The following KSR2 variants were observed in gnomAD, a reference collection of about 807,000 sequenced individuals.
The protein encoded by KSR2 is kinase suppressor of ras 2.
In KSR2, 25 loss-of-function variants were observed where a neutral mutation model predicts 107.8. That is an observed-to-expected ratio of 0.23 (90% confidence interval 0.17 to 0.32). The LOEUF (loss-of-function observed/expected upper bound fraction) is 0.32. Ranked by LOEUF, KSR2 falls within the 10% of genes least tolerant of loss-of-function variation. KSR2 has a pLI of 1.00. For synonymous variants in KSR2, 480 were observed against 507.0 expected, an observed-to-expected ratio of 0.95 and a Z score of 0.71; for missense variants, 887 against 1,268.9, an observed-to-expected ratio of 0.70 and a Z score of 4.57.
chr12:117,595,922 C>A (rs1236695961), intron 5 of KSR2, among the ~76,000 whole-genome samples: 1 of 152,132 alleles, frequency 6.6e-6, no homozygotes, highest in Non-Finnish European at 1.5e-5. Context: ...CTTGGTAAGG[C>A]CACAGCATTC....
Position 117,868,422 on chromosome 12 carries a change from CA to C in KSR2, c.181-7992del, listed in dbSNP as rs200898458. ...AGGGCAACACAGCAAGACTCTGTCT[CA>C]AAAAAAAAAAAAATTAAAAAGAAAA... is the stretch of plus-strand genomic sequence containing the variant. On this transcript the variant is annotated intron_variant, in intron 1 of 19. Coordinates refer to ENST00000339824, the MANE Select transcript of KSR2 (RefSeq NM_173598.6). 3.4e-3 allele frequency among the ~76,000 whole-genome samples: 423 copies of C among 125,680 alleles called. 2 individuals are homozygous for C. Among genetic ancestry groups the C allele is most frequent in the Middle Eastern group, 0.013 (3 of 240 alleles). The allele number at this position is 125,680 out of a possible 152,430, so 82.5% of individuals were successfully genotyped here.
intron 4 of KSR2, among the ~76,000 whole-genome samples, chr12:117,670,958 TATC>T (rs1884883158): frequency 6.6e-6 from 1 of 152,056 alleles, no homozygotes; most frequent in Admixed American, 6.5e-5. Flanking sequence ...CGGGGTAACT[TATC>T]ATTCCCTCAC....
intron 5 of KSR2, among the ~76,000 whole-genome samples, chr12:117,595,721 T>C (rs1880605599): frequency 1.3e-5 from 2 of 152,194 alleles, no homozygotes; most frequent in South Asian, 4.1e-4. Context: ...ACTGGGTTAA[T>C]ACATCATAAT....
Position 117,674,069 on chromosome 12 carries a change from C to T in KSR2, c.987-6411G>A, listed in dbSNP as rs559989205. 3.9e-5 allele frequency among the ~76,000 whole-genome samples: 6 copies of T among 152,320 alleles called. No individual in the cohort carries two copies. In the South Asian group the frequency reaches 1.0e-3, roughly 26 times the overall value. ...AAAGACACTCAGCTCCAGGCCATCACCTATGCTTAGGAAAATGCATGTTTC... is the reference window on the plus strand; with the variant it reads ...AAAGACACTCAGCTCCAGGCCATCATCTATGCTTAGGAAAATGCATGTTTC... On this transcript the variant is annotated intron_variant, in intron 4 of 19. Coordinates refer to ENST00000339824, the MANE Select transcript of KSR2 (RefSeq NM_173598.6).
chr12:117,848,747 T>A (rs915350839), intron 3 of KSR2, among the ~76,000 whole-genome samples: 7 of 102,142 alleles, frequency 6.9e-5, no homozygotes, highest in African/African-American at 1.9e-4. Context: ...AGGAGCCTGG[T>A]GATGGTGATG....
intron 4 of KSR2, among the ~76,000 whole-genome samples, chr12:117,719,351 T>C (rs757260527): frequency 1.3e-5 from 2 of 152,144 alleles, no homozygotes; most frequent in East Asian, 1.9e-4. Context: ...TGTGCTACCA[T>C]ACCCGGCTAA....
At chr12:117,613,625 A>C (rs555824210) in intron 5 of KSR2, among the ~76,000 whole-genome samples, 1 of 152,282 alleles carries the variant, frequency 6.6e-6, no homozygotes, top group African/African-American at 2.4e-5. Context: ...TGTGGGGTGA[A>C]CCTTGGTCAC....
chr12:117,731,278 C>A (rs537628275), intron 4 of KSR2, among the ~76,000 whole-genome samples: 2 of 150,238 alleles, frequency 1.3e-5, no homozygotes, highest in South Asian at 4.2e-4. Flanking sequence ...CCAGCAGCCG[C>A]CCCGTCTGGG....
At chr12:117,789,117 T>C (rs1414033250) in intron 3 of KSR2, among the ~76,000 whole-genome samples, 1 of 152,200 alleles carries the variant, frequency 6.6e-6, no homozygotes, top group African/African-American at 2.4e-5. Flanking sequence ...ATTAAGAACG[T>C]TCAGGGTTTG....
In KSR2 at chr12:117,467,154, G is replaced by A. The variant is rs759463526; in HGVS notation, c.*45C>T. On this transcript the variant is annotated 3_prime_UTR_variant, in exon 20 of 20. Coordinates refer to ENST00000339824, the MANE Select transcript of KSR2 (RefSeq NM_173598.6). ...CAGAGGACAGAGTAGGGAGGGAGAGGTGACGGGAGCCCAGGCAGCTGGGCG... is the reference window on the plus strand; with the variant it reads ...CAGAGGACAGAGTAGGGAGGGAGAGATGACGGGAGCCCAGGCAGCTGGGCG... The A allele has an allele frequency of 3.0e-6, 2 of 674,266 alleles. No individual in the cohort carries two copies. Among genetic ancestry groups the A allele is most frequent in the South Asian group, 1.8e-5 (1 of 56,020 alleles). 41.8% of individuals were successfully genotyped at this position (674,266 alleles called of 1,614,324 possible).
chr12:117,947,205 A>AAAAGAAAGAAAGAAAGAAAG (rs773449400), intron 1 of KSR2, among the ~76,000 whole-genome samples: 65 of 69,212 alleles, frequency 9.4e-4, no homozygotes, highest in East Asian at 1.4e-3. Flanking sequence ...GAAAAGAAAG[A>AAAAGAAAGAAAGAAAGAAAG]AAAGAAAGAA....
chr12:117,478,479 G>A (rs544069236), intron 16 of KSR2, among the ~76,000 whole-genome samples: 25 of 151,984 alleles, frequency 1.6e-4, no homozygotes, highest in Non-Finnish European at 3.1e-4. Context: ...CTATCACCCA[G>A]GCTGAAGTGC....
intron 5 of KSR2, among the ~76,000 whole-genome samples, chr12:117,591,057 T>A (rs890307288): frequency 1.3e-5 from 2 of 152,170 alleles, no homozygotes; most frequent in Non-Finnish European, 2.9e-5. Flanking sequence ...TGCATTGTTT[T>A]GATCCCCGTT....
Position 117,968,346 on chromosome 12 carries a change from A to G in KSR2, c.-91T>C, listed in dbSNP as rs1297693773. The G allele has an allele frequency of 2.1e-6, 3 of 1,404,632 alleles. No homozygotes were observed. The African/African-American group carries it at 4.5e-5, about 21-fold the overall frequency. The allele number at this position is 1,404,632 out of a possible 1,614,324, so 87.0% of individuals were successfully genotyped here. A position where few individuals can be genotyped will look rare whatever the true frequency, so the allele number is the denominator to read the frequency against. On this transcript the variant is annotated 5_prime_UTR_variant, in exon 1 of 20. Transcript: ENST00000339824. Reference sequence around the variant, plus strand: ...AGGTAGTCTACCCTCCGCCTCTCCAACCACTGCGACTTCTCAACAATGTCT... The same window carrying G: ...AGGTAGTCTACCCTCCGCCTCTCCAGCCACTGCGACTTCTCAACAATGTCT...
chr12:117,750,622 C>T (rs1175450366), intron 4 of KSR2, among the ~76,000 whole-genome samples: 1 of 151,998 alleles, frequency 6.6e-6, no homozygotes, highest in African/African-American at 2.4e-5. Flanking sequence ...AGCATGGTAC[C>T]CAGTTGTTTG....
At chr12:117,544,102 A>G (rs1876685070) in intron 9 of KSR2, among the ~76,000 whole-genome samples, 1 of 152,140 alleles carries the variant, frequency 6.6e-6, no homozygotes, top group African/African-American at 2.4e-5. Flanking sequence ...GGAGGTTAGG[A>G]CTTTAGCATA....
intron 3 of KSR2, among the ~76,000 whole-genome samples, chr12:117,846,538 A>G (rs1482638698): frequency 6.6e-6 from 1 of 151,998 alleles, no homozygotes; most frequent in African/African-American, 2.4e-5. Context: ...CCTGGACTCA[A>G]GCGATCCTCC....
chr12:117,749,383 C>G (rs2136819794), intron 4 of KSR2, among the ~76,000 whole-genome samples: 1 of 151,990 alleles, frequency 6.6e-6, no homozygotes, highest in African/African-American at 2.4e-5. Flanking sequence ...CCTTGGGCTC[C>G]TTCTAAAACA....
chr12:117,548,128 T>C (rs1056130944), intron 9 of KSR2, among the ~76,000 whole-genome samples: 1 of 152,102 alleles, frequency 6.6e-6, no homozygotes, highest in African/African-American at 2.4e-5. Flanking sequence ...CTCACCACTG[T>C]GTCATTGCTT....
Sources: gnomAD v4.1 joint callset for allele counts (sites outside exome capture counted in the v4.1 genomes callset) on GRCh38, gnomAD v4.1.1 for gene constraint, MANE v1.5 for transcripts, NCBI Gene and HGNC (gene_info 2026-07-23, HGNC 2026-07-21) for gene names.